GK5: variants seen among roughly 807,000 people sequenced by gnomAD.
GK5 encodes the protein glycerol kinase 5.
GK5 carries 39 observed loss-of-function variants against 77.3 expected under a neutral mutation model. That is an observed-to-expected ratio of 0.50 (90% CI 0.39 to 0.66). The LOEUF is 0.66. GK5 is among the 30% of genes least tolerant of loss of function. GK5 has a pLI of 0.00. For synonymous variants in GK5, 211 were observed against 208.0 expected, an observed-to-expected ratio of 1.01 and a Z score of -0.13; for missense variants, 487 against 633.8, an observed-to-expected ratio of 0.77 and a Z score of 2.49.
At chr3:142,181,033 C>T (rs1341745276) in intron 11 of GK5, among the ~76,000 whole-genome samples, 1 of 152,186 alleles carries the variant, frequency 6.6e-6, no homozygotes, top group Non-Finnish European at 1.5e-5. Flanking sequence ...GACACTGGAA[C>T]CACAGCCCAA....
Position 142,186,472 on chromosome 3 carries a change from C to A in GK5, c.661G>T (p.Gly221Ter). ...ATDFSNASTT[G>*]LFDPYKMCWS... ...TTTACCTTATATGGGTCAAAAAGTC[C>A]AGTTGTACTAGCATTTGAAAAATCT... Residue 221 changes from glycine to a stop codon, truncating the protein, a stop_gained, in exon 7 of 16, where the codon GGA (glycine) becomes TGA (stop). Coordinates refer to ENST00000392993, the MANE Select transcript of GK5 (RefSeq NM_001039547.3). LOFTEE classifies it high-confidence loss of function. 1 of 1,555,740 alleles carries A rather than the reference C, an allele frequency of 6.4e-7. No individual in the cohort carries two copies. The highest frequency in any genetic ancestry group is 1.2e-5 in the South Asian group (1 of 81,302).
Position 142,177,518 on chromosome 3 carries a change from T to C in GK5, c.1107A>G (p.Glu369=), listed in dbSNP as rs752742166. 5.0e-6 allele frequency: 8 copies of C among 1,612,554 alleles called. No individual in the cohort carries two copies. The highest frequency in any genetic ancestry group is 6.8e-6 in the Non-Finnish European group (8 of 1,178,742). ...TAAAAGATGGAACAAAACAAACTCC[T>C]TCAGAATCCTCCAAACTTTTGGCCA... ...EKMAKSLEDS[E]GVCFVPSFSG... Residue 369 remains glutamate (E), a synonymous_variant, in exon 12 of 16, where the codon GAA becomes GAG. Transcript: ENST00000392993.
intron 3 of GK5, among the ~76,000 whole-genome samples, chr3:142,205,581 C>G (rs2064093499): frequency 6.6e-6 from 1 of 152,170 alleles, no homozygotes; most frequent in South Asian, 2.1e-4. Context: ...AATCTTACTC[C>G]TTAAATACCT....
intron 1 of GK5, among the ~76,000 whole-genome samples, chr3:142,223,352 T>C (rs2064380613): frequency 6.6e-6 from 1 of 152,236 alleles, no homozygotes; most frequent in African/African-American, 2.4e-5. Context: ...CTTTAAAAAG[T>C]ATCGTTTTTG....
chr3:142,197,494 CTT>C (rs2063951423), intron 5 of GK5, among the ~76,000 whole-genome samples: 1 of 152,156 alleles, frequency 6.6e-6, no homozygotes. Context: ...CTTTTAACCT[CTT>C]TATATTTTTT....
At position 142,188,032 on chromosome 3, in the gene GK5, C is replaced by T. The variant is rs116342185; in HGVS notation, c.544-253G>A. On this transcript the variant is annotated intron_variant, in intron 5 of 15. Coordinates refer to ENST00000392993, the MANE Select transcript of GK5 (RefSeq NM_001039547.3). ...AGGTTTTAGTTGTATACCAAGCATG[C>T]GTTAGTTACTTTTGTGTTTTTTGTT... Among the ~76,000 whole-genome samples, 1,016 of 151,546 alleles carry T rather than the reference C, an allele frequency of 6.7e-3. 9 individuals carry two copies. The highest frequency in any genetic ancestry group is 0.023 in the African/African-American group (945 of 41,278).
chr3:142,200,371 T>C (rs1294578558), intron 4 of GK5, among the ~76,000 whole-genome samples: 2 of 152,232 alleles, frequency 1.3e-5, no homozygotes, highest in Non-Finnish European at 2.9e-5. Context: ...TTTCACCATG[T>C]TGGCCAGGCT....
At chr3:142,173,736 C>G (rs574597091) in intron 12 of GK5, among the ~76,000 whole-genome samples, 20 of 151,860 alleles carry the variant, frequency 1.3e-4, no homozygotes, top group Admixed American at 3.9e-4. Context: ...AACAAAGATC[C>G]CTGCTGGAGC....
In GK5 at chr3:142,186,461, G is replaced by A; in HGVS notation, c.672C>T (p.Asp224=). 6.4e-7 allele frequency: 1 copy of A among 1,552,134 alleles called. No homozygotes were observed. The highest frequency in any genetic ancestry group is 8.7e-7 in the Non-Finnish European group (1 of 1,145,278). The change falls in exon 7 of 16, where the codon GAC becomes GAT. Residue 224 remains aspartate, a synonymous_variant. Transcript: ENST00000392993. The part of the protein sequence containing the change: ...FSNASTTGLF[D]PYKMCWSGMI... ...AAAAAAAAATTTTTACCTTATATGGGTCAAAAAGTCCAGTTGTACTAGCAT... is the reference window on the plus strand; with the variant it reads ...AAAAAAAAATTTTTACCTTATATGGATCAAAAAGTCCAGTTGTACTAGCAT...
chr3:142,172,203 G>T (rs1222550573), intron 13 of GK5, 150 bp downstream of exon 13: 1 of 425,224 alleles, frequency 2.4e-6, no homozygotes, highest in Admixed American at 4.1e-5. Context: ...AAATTAGCAA[G>T]AAGAACATAT....
chr3:142,167,737 C>T (rs770536056), intron 15 of GK5, among the ~76,000 whole-genome samples: 8 of 152,054 alleles, frequency 5.3e-5, no homozygotes, highest in Non-Finnish European at 1.2e-4. Flanking sequence ...TGGGGCTGGG[C>T]GCAGAGGCTC....
At chr3:142,217,794 C>T (rs2064292395) in intron 1 of GK5, among the ~76,000 whole-genome samples, 2 of 152,190 alleles carry the variant, frequency 1.3e-5, no homozygotes, top group South Asian at 2.1e-4. Flanking sequence ...TTTAAATGAC[C>T]GTGGATTTCT....
chr3:142,197,049 CG>C (rs1384026036), intron 5 of GK5, among the ~76,000 whole-genome samples: 3 of 151,818 alleles, frequency 2.0e-5, no homozygotes, highest in Non-Finnish European at 4.4e-5. Context: ...TAGCCAGGTG[CG>C]GGGGCGGGTG....
At chr3:142,197,686 T>C (rs144862407) in intron 5 of GK5, among the ~76,000 whole-genome samples, 176 of 152,284 alleles carry the variant, frequency 1.2e-3, no homozygotes, top group Non-Finnish European at 1.2e-3. Context: ...CTGTGTAAAT[T>C]GTTATTATCA....
intron 8 of GK5, 85 bp from the exon 9 acceptor site, chr3:142,186,074 C>T (rs765314757): frequency 1.9e-5 from 23 of 1,211,186 alleles, no homozygotes; most frequent in Non-Finnish European, 2.8e-5. Flanking sequence ...TTGCATAAGC[C>T]AAAAAGTTAC....
rs372060909 is a variant in GK5 at position 142,198,338 on chromosome 3, A to G, written c.543+464T>C. ...GATATAAATCAAAGATATGGCGGGGAGTGGCGGCTCACGCTTGTAATCCCA... is the reference window on the plus strand; with the variant it reads ...GATATAAATCAAAGATATGGCGGGGGGTGGCGGCTCACGCTTGTAATCCCA... On this transcript the variant is annotated intron_variant, in intron 5 of 15. Coordinates refer to ENST00000392993, the MANE Select transcript of GK5 (RefSeq NM_001039547.3). Among the ~76,000 whole-genome samples, 29 of 151,410 alleles carry G rather than the reference A, an allele frequency of 1.9e-4. No homozygotes were observed. The East Asian group carries it at 5.5e-3, about 29-fold the overall frequency.
At chr3:142,191,089 C>T (rs2063843474) in intron 5 of GK5, among the ~76,000 whole-genome samples, 1 of 151,840 alleles carries the variant, frequency 6.6e-6, no homozygotes, top group Non-Finnish European at 1.5e-5. Context: ...GTCACCCAGG[C>T]TGGAGTACAG....
At chr3:142,203,224 G>C (rs1039843662) in intron 4 of GK5, among the ~76,000 whole-genome samples, 1 of 152,002 alleles carries the variant, frequency 6.6e-6, no homozygotes, top group East Asian at 1.9e-4. Context: ...CCTCTCACAA[G>C]TTATTGCAGC....
Position 142,181,548 on chromosome 3 carries a change from C to A in GK5, c.961G>T (p.Gly321Trp), listed in dbSNP as rs773854403. ...ACGACTTCTTGCCCAATCTTCCACC[C>A]AATTAATGGATAAAAGCCTTGCAAA... ...QTTGGFYPLI[G>W]WKIGQEVVCL... is the part of the protein sequence containing the mutation. Residue 321 changes from glycine (G) to tryptophan (W), a missense_variant, in exon 11 of 16, where the codon GGG becomes TGG. Physicochemically the swap from Gly to Trp is radical, Grantham distance 184 (BLOSUM62 -2). Around this residue, in one of 4 missense-constraint regions of GK5, gnomAD observed 323 missense variants for 437.4 expected, o/e 0.74. Transcript: ENST00000392993. 1.2e-6 allele frequency: 2 copies of A among 1,611,994 alleles called. No homozygotes were observed. The highest frequency in any genetic ancestry group is 2.2e-5 in the South Asian group (2 of 90,802).
Sources: allele counts gnomAD v4.1 joint callset (sites outside exome capture counted in the v4.1 genomes callset), GRCh38; gene constraint gnomAD v4.1.1; regional missense constraint gnomAD v4.1.1; transcripts MANE v1.5; gene names NCBI Gene and HGNC (gene_info 2026-07-23, HGNC 2026-07-21).